The following ABCB5 variants were observed in gnomAD, a reference collection of about 807,000 sequenced individuals.
ABCB5 encodes ATP binding cassette subfamily B member 5.
ABCB5 carries 155 observed loss-of-function variants against 144.2 expected under a neutral mutation model. The observed-to-expected ratio is 1.08, with a 90% CI of 0.94 to 1.23. The LOEUF (loss-of-function observed/expected upper bound fraction) is 1.23, where lower values mean the gene tolerates loss of function less well. Among genes scored for constraint, ABCB5 ranks in the 50% most tolerant of loss-of-function variants. The pLI, the probability that ABCB5 is intolerant of heterozygous loss-of-function variation, is 0.00. For synonymous variants in ABCB5, 610 were observed against 528.6 expected (o/e 1.15, Z -2.11); for missense variants, 1,830 against 1,520.8 (o/e 1.20, Z -3.38).
In ABCB5 at chr7:20,720,495, C is replaced by G. The variant is rs1237353176; in HGVS notation, c.2422-2521C>G. Among the ~76,000 whole-genome samples, 4 of 152,048 alleles carry G rather than the reference C, an allele frequency of 2.6e-5. No homozygotes were observed. The East Asian group carries it at 7.7e-4, about 29-fold the overall frequency. ...TGGGACCAATCAAAACTGCGTGCCA[C>G]TTGATAGGATGCAATGAGAAGAACA... On this transcript the variant is annotated intron_variant, in intron 20 of 27. Transcript: ENST00000404938.
At chr7:20,708,040 C>A (rs1304841072) in intron 20 of ABCB5, among the ~76,000 whole-genome samples, 2 of 151,892 alleles carry the variant, frequency 1.3e-5, no homozygotes, top group African/African-American at 4.8e-5. Flanking sequence ...CTCCTGACCT[C>A]GTGATCCGCC....
At chr7:20,654,644 A>T (rs1001187111) in intron 13 of ABCB5, among the ~76,000 whole-genome samples, 1 of 152,240 alleles carries the variant, frequency 6.6e-6, no homozygotes, top group Non-Finnish European at 1.5e-5. Context: ...AATAGAAAAC[A>T]TAGAAAATAT....
rs1255356044 is a variant in ABCB5 at position 20,628,745 on chromosome 7, C to G, written c.166C>G (p.Leu56Val). The stretch of plus-strand genomic sequence containing the variant: ...CATGATCCTGGGTATACTGGCATCA[C>G]TGGTCAATGGAGCCTGCCTTCCTTT... ...TLMILGILAS[L>V]VNGACLPLMP... is the part of the protein sequence containing the mutation. The change falls in exon 4 of 28, where the codon CTG becomes GTG. Residue 56 changes from leucine to valine, a missense_variant. Physicochemically the swap from Leu to Val is conservative, Grantham distance 32 (BLOSUM62 1). Transcript: ENST00000404938. 2 of 1,613,516 alleles carry G rather than the reference C, an allele frequency of 1.2e-6. No individual in the cohort carries two copies. The highest frequency in any genetic ancestry group is 2.7e-5 in the African/African-American group (2 of 74,856).
intron 19 of ABCB5, among the ~76,000 whole-genome samples, chr7:20,702,806 C>T (rs1001737570): frequency 6.7e-6 from 1 of 150,282 alleles, no homozygotes; most frequent in Non-Finnish European, 1.5e-5. Context: ...GGACTACAGG[C>T]GCCCACCGCC....
chr7:20,662,519 T>C (rs1467411824), intron 14 of ABCB5, among the ~76,000 whole-genome samples: 1 of 152,200 alleles, frequency 6.6e-6, no homozygotes, highest in African/African-American at 2.4e-5. Context: ...TGAATGTCTG[T>C]GTCAATTAAA....
intron 19 of ABCB5, among the ~76,000 whole-genome samples, chr7:20,703,221 T>A (rs1035964834): frequency 3.3e-5 from 5 of 152,240 alleles, no homozygotes; most frequent in African/African-American, 1.2e-4. Flanking sequence ...AGAAAATACA[T>A]AAAATATCTT....
At chr7:20,664,871 C>T (rs967478766) in intron 14 of ABCB5, among the ~76,000 whole-genome samples, 97 of 152,114 alleles carry the variant, frequency 6.4e-4, no homozygotes, top group African/African-American at 2.2e-3. Context: ...GGGAGAATCA[C>T]GTGAGACCAG....
intron 19 of ABCB5, among the ~76,000 whole-genome samples, chr7:20,702,040 T>A (rs1422529961): frequency 1.3e-5 from 2 of 152,308 alleles, no homozygotes; most frequent in African/African-American, 4.8e-5. Context: ...CAGTGCTTTT[T>A]ATAACCATTG....
chr7:20,646,694 C>T (rs989512740), intron 9 of ABCB5, among the ~76,000 whole-genome samples: 2 of 152,164 alleles, frequency 1.3e-5, no homozygotes, highest in African/African-American at 4.8e-5. Flanking sequence ...TCTTAAGTTA[C>T]AATAAACAGA....
In ABCB5 at chr7:20,691,214, C is replaced by T. The variant is rs532678372; in HGVS notation, c.2010+5378C>T. 9.3e-5 allele frequency among the ~76,000 whole-genome samples: 9 copies of T among 96,532 alleles called. No individual in the cohort carries two copies. The South Asian group carries it at 1.5e-3, about 16-fold the overall frequency. The allele number at this position is 96,532 out of a possible 152,430, so 63.3% of individuals were successfully genotyped here. On this transcript the variant is annotated intron_variant, in intron 16 of 27. Transcript: ENST00000404938. ...TTTTTTTTTTTTTGAGACGGAGTTT[C>T]ACTCTTGTTGCTCAGGCTAGAGTGC...
At chr7:20,738,732 G>A (rs528706956) in intron 23 of ABCB5, among the ~76,000 whole-genome samples, 2 of 152,290 alleles carry the variant, frequency 1.3e-5, no homozygotes, top group Admixed American at 1.3e-4. Flanking sequence ...CCTTTGATCT[G>A]TGGCTCTAAT....
At position 20,628,843 on chromosome 7, in the gene ABCB5, G is replaced by T. The variant is rs773380882; in HGVS notation, c.259+5G>T. The T allele has an allele frequency of 6.2e-7, 1 of 1,612,954 alleles. No individual in the cohort carries two copies. Among genetic ancestry groups the T allele is most frequent in the Admixed American group, 1.7e-5 (1 of 59,914 alleles). On this transcript the variant is annotated splice_donor_5th_base_variant and intron_variant, in intron 4 of 27. Transcript: ENST00000404938. ...GTCTAGTCCAAACTAACACAAGTGA[G>T]TATACGATTATTTTTCTGTATCACT...
Position 20,756,611 on chromosome 7 carries a change from C to A in ABCB5, c.*987C>A, listed in dbSNP as rs987907340. 2.6e-5 allele frequency: 4 copies of A among 152,086 alleles called. No homozygotes were observed. Among genetic ancestry groups the A allele is most frequent in the Non-Finnish European group, 5.9e-5 (4 of 68,028 alleles). 9.4% of individuals were successfully genotyped at this position (152,086 alleles called of 1,614,324 possible). On this transcript the variant is annotated 3_prime_UTR_variant, in exon 28 of 28. Coordinates refer to ENST00000404938, the MANE Select transcript of ABCB5 (RefSeq NM_001163941.2). ...TGAGCCGAGATCTCACCACTGCACT[C>A]CAGCCTGCGCAACAGAGCGAGACTC...
intron 13 of ABCB5, among the ~76,000 whole-genome samples, chr7:20,653,333 A>G (rs963641724): frequency 1.3e-5 from 2 of 152,250 alleles, no homozygotes; most frequent in African/African-American, 4.8e-5. Context: ...CTAACCAGAA[A>G]AATGAGGAAA....
chr7:20,633,217 A>G (rs955837803), intron 5 of ABCB5, among the ~76,000 whole-genome samples: 3 of 152,072 alleles, frequency 2.0e-5, no homozygotes, highest in Non-Finnish European at 2.9e-5. Context: ...AATAATTTAT[A>G]AGGATGTTCT....
chr7:20,662,044 T>A (rs1330229645), intron 14 of ABCB5, among the ~76,000 whole-genome samples: 1 of 152,186 alleles, frequency 6.6e-6, no homozygotes, highest in Non-Finnish European at 1.5e-5. Flanking sequence ...AGTGAGCACC[T>A]GCAGGCCCCT....
At position 20,755,773 on chromosome 7, in the gene ABCB5, A is replaced by T. The variant is rs964196245; in HGVS notation, c.*149A>T. ...TACATACATGTTCTATTCACACACC[A>T]TCTGACCTTCAGATTTTTAAAAGGA... On this transcript the variant is annotated 3_prime_UTR_variant, in exon 28 of 28. Coordinates refer to ENST00000404938, the MANE Select transcript of ABCB5 (RefSeq NM_001163941.2). The T allele has an allele frequency of 1.2e-5, 9 of 753,060 alleles. No homozygotes were observed. The highest frequency in any genetic ancestry group is 1.9e-5 in the Non-Finnish European group (9 of 486,458). The allele number at this position is 753,060 out of a possible 1,614,324, so 46.6% of individuals were successfully genotyped here.
At chr7:20,750,421 T>C (rs941305431) in intron 26 of ABCB5, among the ~76,000 whole-genome samples, 33 of 137,034 alleles carry the variant, frequency 2.4e-4, no homozygotes, top group Middle Eastern at 3.7e-3. Context: ...CACACACACA[T>C]ATACACACAA....
At chr7:20,665,434 G>C (rs1416041631) in intron 14 of ABCB5, among the ~76,000 whole-genome samples, 1 of 152,188 alleles carries the variant, frequency 6.6e-6, no homozygotes, top group Middle Eastern at 3.4e-3. Flanking sequence ...ATCACAGTCA[G>C]GTAGTTAAGA....
Sources: gnomAD v4.1 joint callset for allele counts (sites outside exome capture counted in the v4.1 genomes callset) on GRCh38, gnomAD v4.1.1 for gene constraint, MANE v1.5 for transcripts, NCBI Gene and HGNC (gene_info 2026-07-23, HGNC 2026-07-21) for gene names.